Variants in PPFIBP1 observed in about 807,000 individuals in gnomAD.
The protein encoded by PPFIBP1 is liprin-beta-1.
In PPFIBP1, 112 loss-of-function variants were observed where a neutral mutation model predicts 137.8. The observed-to-expected ratio is 0.81, with a 90% CI of 0.70 to 0.95. PPFIBP1 has a LOEUF of 0.95. PPFIBP1 is among the 40% of genes least tolerant of loss of function. The pLI is 0.00. For missense variants in PPFIBP1, 1,083 were observed against 1,196.6 expected, an observed-to-expected ratio of 0.91 and a Z score of 1.40; for synonymous variants, 378 against 417.3, an observed-to-expected ratio of 0.91 and a Z score of 1.15.
At chr12:27,664,545 G>A in intron 12 of PPFIBP1, 99 bp downstream of exon 12, 1 of 786,488 alleles carries the variant, frequency 1.3e-6, no homozygotes. Context: ...CATACCCATT[G>A]TCCCAAATTA....
chr12:27,553,506 C>A (rs1225550566), intron 1 of PPFIBP1, among the ~76,000 whole-genome samples: 2 of 152,190 alleles, frequency 1.3e-5, no homozygotes, highest in Non-Finnish European at 2.9e-5. Context: ...TGGATGAGTT[C>A]TCCTTCAATA....
chr12:27,528,643 G>A (rs1944050689), intron 1 of PPFIBP1, among the ~76,000 whole-genome samples: 1 of 152,112 alleles, frequency 6.6e-6, no homozygotes, highest in African/African-American at 2.4e-5. Context: ...TTGGTGTTCA[G>A]TGATAATGTT....
intron 2 of PPFIBP1, among the ~76,000 whole-genome samples, chr12:27,580,038 C>T (rs2050941429): frequency 6.6e-6 from 1 of 151,928 alleles, no homozygotes; most frequent in Admixed American, 6.6e-5. Flanking sequence ...TGTCTGGATT[C>T]CTATAGAAAC....
chr12:27,654,886 T>C, intron 8 of PPFIBP1, 72 bp downstream of exon 8: 1 of 1,499,276 alleles, frequency 6.7e-7, no homozygotes, highest in Non-Finnish European at 8.9e-7. Context: ...ATAATATAAA[T>C]AAGATGTTTT....
At chr12:27,622,532 G>C (rs998897560) in intron 2 of PPFIBP1, among the ~76,000 whole-genome samples, 1 of 152,182 alleles carries the variant, frequency 6.6e-6, no homozygotes, top group African/African-American at 2.4e-5. Flanking sequence ...TGCCACTTCA[G>C]TGGTTTTCAC....
chr12:27,548,920 T>A (rs1222360676), intron 1 of PPFIBP1: 3 of 152,160 alleles, frequency 2.0e-5, no homozygotes, highest in South Asian at 2.1e-4. Context: ...CCATTATGGG[T>A]GTAGTAGAAA....
chr12:27,603,727 C>G (rs1264879085), intron 2 of PPFIBP1, among the ~76,000 whole-genome samples: 1 of 152,196 alleles, frequency 6.6e-6, no homozygotes, highest in Non-Finnish European at 1.5e-5. Flanking sequence ...GAGACCATTT[C>G]TAGTGCATCT....
chr12:27,657,582 A>C (rs1356439193), intron 9 of PPFIBP1, among the ~76,000 whole-genome samples: 1 of 151,742 alleles, frequency 6.6e-6, no homozygotes, highest in Non-Finnish European at 1.5e-5. Context: ...GAGGGACTTG[A>C]GTTAGATTAT....
intron 2 of PPFIBP1, among the ~76,000 whole-genome samples, chr12:27,586,753 T>C (rs1233618559): frequency 2.6e-5 from 4 of 151,818 alleles, no homozygotes; most frequent in African/African-American, 9.7e-5. Context: ...TCCCCCAGAA[T>C]GCACAATGCA....
intron 2 of PPFIBP1, among the ~76,000 whole-genome samples, chr12:27,596,112 G>GCACACACACA (rs2053279087): frequency 7.2e-5 from 1 of 13,948 alleles, no homozygotes; most frequent in Non-Finnish European, 2.9e-4. Flanking sequence ...ACACACATAT[G>GCACACACACA]CTTACAAATG....
intron 7 of PPFIBP1, among the ~76,000 whole-genome samples, chr12:27,650,412 T>C (rs1025105018): frequency 5.9e-5 from 9 of 152,382 alleles, no homozygotes; most frequent in African/African-American, 2.2e-4. Flanking sequence ...ACTTTTGACT[T>C]TACGATATTT....
chr12:27,592,674 C>G, intron 2 of PPFIBP1: 9 of 1,474,182 alleles, frequency 6.1e-6, no homozygotes, highest in Non-Finnish European at 8.5e-6. Context: ...GAGTGTCATC[C>G]TTCTCCGGCT....
intron 7 of PPFIBP1, among the ~76,000 whole-genome samples, chr12:27,651,296 A>G (rs1355200298): frequency 6.6e-6 from 1 of 150,430 alleles, no homozygotes; most frequent in African/African-American, 2.4e-5. Context: ...TTTAAGAGAT[A>G]GGATCTTACT....
intron 9 of PPFIBP1, 127 bp downstream of exon 9, chr12:27,656,857 C>A: frequency 1.6e-6 from 1 of 638,638 alleles, no homozygotes; most frequent in Non-Finnish European, 2.8e-6. Context: ...CCAGCCAGGA[C>A]CAGAACCACA....
Position 27,673,760 on chromosome 12 carries a change from T to C in PPFIBP1, c.1320-7T>C, listed in dbSNP as rs373178455. 135 of 1,611,406 alleles carry C rather than the reference T, an allele frequency of 8.4e-5. 1 individual carries two copies. In the African/African-American group the frequency reaches 1.5e-3, roughly 18 times the overall value. ...TTATTATTAATTGTTATTACTGTTA[T>C]TTTTAGAACTTCAAGTCTGCAGAAG... On this transcript the variant is annotated splice_region_variant and splice_polypyrimidine_tract_variant and intron_variant, in intron 15 of 29. Transcript: ENST00000228425.
At chr12:27,633,864 G>C (rs1046703081) in intron 3 of PPFIBP1, among the ~76,000 whole-genome samples, 5 of 135,132 alleles carry the variant, frequency 3.7e-5, no homozygotes, top group Non-Finnish European at 6.2e-5. Flanking sequence ...TTGAGATGGA[G>C]TCTCTCTCTG....
At chr12:27,646,264 A>G (rs1265643090) in intron 5 of PPFIBP1, 116 bp downstream of exon 5, 6 of 803,614 alleles carry the variant, frequency 7.5e-6, no homozygotes, top group Non-Finnish European at 1.3e-5. Context: ...AATAAGCCTG[A>G]TAAGCCATCT....
intron 25 of PPFIBP1, among the ~76,000 whole-genome samples, chr12:27,687,849 A>G (rs2061292781): frequency 6.6e-6 from 1 of 152,174 alleles, no homozygotes; most frequent in African/African-American, 2.4e-5. Flanking sequence ...TTGGGAGGCC[A>G]AGGCAGAAGA....
chr12:27,657,395 A>G (rs1593181777), intron 9 of PPFIBP1, among the ~76,000 whole-genome samples: 1 of 151,738 alleles, frequency 6.6e-6, no homozygotes, highest in Non-Finnish European at 1.5e-5. Context: ...TAATGTGCAT[A>G]ATATCTGACA....
Sources: gnomAD v4.1 joint callset for allele counts (sites outside exome capture counted in the v4.1 genomes callset) on GRCh38, gnomAD v4.1.1 for gene constraint, MANE v1.5 for transcripts, NCBI Gene and HGNC (gene_info 2026-07-23, HGNC 2026-07-21) for gene names.